Variants in CPQ observed in about 807,000 individuals in gnomAD.
CPQ encodes carboxypeptidase Q.
CPQ carries 37 observed loss-of-function variants against 45.7 expected under a neutral mutation model. The ratio of observed to expected loss-of-function variants is 0.81; its 90% CI spans 0.62 to 1.07. CPQ has a LOEUF of 1.07. Ranked by LOEUF, CPQ falls within the 50% of genes least tolerant of loss-of-function variation. The pLI, the probability that CPQ is intolerant of heterozygous loss-of-function variation, is 0.00. For missense variants in CPQ, 537 were observed against 572.9 expected (o/e 0.94, Z 0.64); for synonymous variants, 186 against 205.8 (o/e 0.90, Z 0.82).
rs577350615 is a variant in CPQ, at chr8:97,012,944, C to A, written c.962-16459C>A. Among the ~76,000 whole-genome samples the A allele has an allele frequency of 2.0e-3, 301 of 152,208 alleles. 3 individuals are homozygous for A. Among genetic ancestry groups the A allele is most frequent in the South Asian group, 1.0e-2 (48 of 4,818 alleles). Reference sequence around the variant, plus strand: ...AATGAAAATGTTTGAGATAAATAGCCCTTCCCCTGAGAGGCCAAATACTTT... The same window carrying A: ...AATGAAAATGTTTGAGATAAATAGCACTTCCCCTGAGAGGCCAAATACTTT... On this transcript the variant is annotated intron_variant, in intron 5 of 7. Transcript: ENST00000220763.
intron 4 of CPQ, among the ~76,000 whole-genome samples, chr8:96,884,302 G>A (rs1812270820): frequency 6.6e-6 from 1 of 151,840 alleles, no homozygotes; most frequent in African/African-American, 2.4e-5. Context: ...TGCCTTTACT[G>A]CTACTACTGC....
intron 1 of CPQ, among the ~76,000 whole-genome samples, chr8:96,716,930 C>T (rs1038486234): frequency 7.4e-5 from 11 of 149,492 alleles, no homozygotes; most frequent in African/African-American, 2.7e-4. Flanking sequence ...TACACACACA[C>T]ACACGCAAGA....
chr8:96,783,283 G>GTGTGTGTGTGCGTGCA (rs1381336617), intron 1 of CPQ, among the ~76,000 whole-genome samples: 7 of 151,376 alleles, frequency 4.6e-5, no homozygotes, highest in African/African-American at 1.7e-4. Flanking sequence ...GTGTGTGTGT[G>GTGTGTGTGTGCGTGCA]TGCTGCTTTA....
chr8:96,695,536 A>T (rs1345166483), intron 1 of CPQ, among the ~76,000 whole-genome samples: 1 of 152,106 alleles, frequency 6.6e-6, no homozygotes, highest in Admixed American at 6.6e-5. Context: ...TTCGCAACCT[A>T]CTCTTCTGAC....
intron 1 of CPQ, among the ~76,000 whole-genome samples, chr8:96,686,576 T>A (rs925721386): frequency 2.6e-5 from 4 of 152,152 alleles, no homozygotes; most frequent in African/African-American, 9.6e-5. Context: ...TATACTTTAA[T>A]GTGATCCTGG....
At chr8:96,705,277 G>T (rs994811004) in intron 1 of CPQ, among the ~76,000 whole-genome samples, 5 of 152,080 alleles carry the variant, frequency 3.3e-5, no homozygotes, top group Non-Finnish European at 5.9e-5. Context: ...TGAGAGTAGA[G>T]ATTTTGTTCT....
chr8:97,017,794 C>T (rs1169310339), intron 5 of CPQ, among the ~76,000 whole-genome samples: 1 of 152,004 alleles, frequency 6.6e-6, no homozygotes, highest in Non-Finnish European at 1.5e-5. Context: ...GGTGGTCCTT[C>T]CCTACATACC....
In CPQ at chr8:96,784,894, A is replaced by G. The variant is rs200887903; in HGVS notation, c.-4A>G. Reference sequence around the variant, plus strand: ...CTTAACAAGAAAACCAACTGGAAAAAAAAATGAAATTCCTTATCTTCGCAT... The same window carrying G: ...CTTAACAAGAAAACCAACTGGAAAAGAAAATGAAATTCCTTATCTTCGCAT... On this transcript the variant is annotated 5_prime_UTR_variant, in exon 2 of 8. Transcript: ENST00000220763. The G allele has an allele frequency of 1.1e-4, 169 of 1,588,804 alleles. 1 individual carries two copies. Among genetic ancestry groups the G allele is most frequent in the Non-Finnish European group, 1.3e-4 (158 of 1,170,592 alleles).
chr8:96,736,760 T>C (rs1298641000), intron 1 of CPQ, among the ~76,000 whole-genome samples: 1 of 152,166 alleles, frequency 6.6e-6, no homozygotes, highest in Non-Finnish European at 1.5e-5. Flanking sequence ...TTATAGAATG[T>C]TGTAGATTTT....
chr8:96,898,654 A>AT (rs1480681404), intron 4 of CPQ, among the ~76,000 whole-genome samples: 1 of 148,788 alleles, frequency 6.7e-6, no homozygotes, highest in African/African-American at 2.5e-5. Context: ...GAGGGATAGC[A>AT]TTGGGAGATA....
At chr8:96,880,518 CATATAT>C (rs200512558) in intron 4 of CPQ, among the ~76,000 whole-genome samples, 95 of 97,194 alleles carry the variant, frequency 9.8e-4, no homozygotes, top group Admixed American at 1.1e-3. Flanking sequence ...AATATATGGT[CATATAT>C]ATATATATAT....
chr8:97,053,179 A>ATATT (rs1429521139), intron 6 of CPQ, among the ~76,000 whole-genome samples: 1 of 152,182 alleles, frequency 6.6e-6, no homozygotes, highest in African/African-American at 2.4e-5. Context: ...ATACATGCAT[A>ATATT]TATTTATTCA....
At chr8:97,068,191 T>A (rs1457158188) in intron 7 of CPQ, among the ~76,000 whole-genome samples, 1 of 152,212 alleles carries the variant, frequency 6.6e-6, no homozygotes, top group Non-Finnish European at 1.5e-5. Flanking sequence ...TAAGAATGGT[T>A]CTGTTTGGAG....
intron 6 of CPQ, among the ~76,000 whole-genome samples, chr8:97,043,230 C>A (rs1279388481): frequency 6.6e-6 from 1 of 152,004 alleles, no homozygotes; most frequent in African/African-American, 2.4e-5. Context: ...GATCCCTTTA[C>A]CATTATGTAA....
At chr8:96,984,721 G>A (rs1813977585) in intron 5 of CPQ, among the ~76,000 whole-genome samples, 1 of 152,180 alleles carries the variant, frequency 6.6e-6, no homozygotes, top group South Asian at 2.1e-4. Flanking sequence ...TACTTTGCAA[G>A]TTTTTTAGAT....
At chr8:96,701,666 C>T (rs1188878613) in intron 1 of CPQ, among the ~76,000 whole-genome samples, 2 of 152,150 alleles carry the variant, frequency 1.3e-5, no homozygotes, top group Admixed American at 1.3e-4. Context: ...AAATGTGCCA[C>T]ACACATTTAA....
intron 7 of CPQ, among the ~76,000 whole-genome samples, chr8:97,077,781 T>C (rs1223958183): frequency 6.6e-6 from 1 of 152,178 alleles, no homozygotes; most frequent in African/African-American, 2.4e-5. Flanking sequence ...AAAAAGTGGA[T>C]CCACACACTT....
chr8:97,001,785 A>G (rs1295255453), intron 5 of CPQ, among the ~76,000 whole-genome samples: 2 of 128,894 alleles, frequency 1.6e-5, no homozygotes, highest in Non-Finnish European at 3.1e-5. Context: ...ACACTGGCCT[A>G]TAGAATGAGT....
At chr8:96,995,706 A>G (rs1292668074) in intron 5 of CPQ, among the ~76,000 whole-genome samples, 1 of 151,372 alleles carries the variant, frequency 6.6e-6, no homozygotes, top group African/African-American at 2.4e-5. Context: ...TTAGGTGTGC[A>G]AGTACAGGTT....
Sources: allele counts gnomAD v4.1 joint callset (sites outside exome capture counted in the v4.1 genomes callset), GRCh38; gene constraint gnomAD v4.1.1; transcripts MANE v1.5; gene names NCBI Gene and HGNC (gene_info 2026-07-23, HGNC 2026-07-21).